TRIM45: variants seen among roughly 807,000 people sequenced by gnomAD.
The protein encoded by TRIM45 is E3 ubiquitin-protein ligase TRIM45.
Under a neutral mutation model 46.7 loss-of-function variants are expected in TRIM45, and 45 were observed. The observed-to-expected ratio is 0.96, with a 90% CI of 0.76 to 1.24. The LOEUF (loss-of-function observed/expected upper bound fraction) is 1.24, where lower values mean the gene tolerates loss of function less well. TRIM45 is among the 50% of genes most tolerant of loss of function. The pLI is 0.00. For missense variants in TRIM45, 680 were observed against 728.4 expected (o/e 0.93, Z 0.77); for synonymous variants, 259 against 285.8 (o/e 0.91, Z 0.94).
upstream of TRIM45, chr1:117,121,854 C>T (rs1364844005): frequency 9.8e-6 from 7 of 714,716 alleles, no homozygotes; most frequent in Admixed American, 4.0e-5. The surrounding 1 kb of genome is among the most constrained non-coding windows in gnomAD (Gnocchi z 4.2). Context: ...CAGAGTGACG[C>T]CACTAAGCAT....
At position 117,115,805 on chromosome 1, in the gene TRIM45, A is replaced by G. The variant is rs1194130521; in HGVS notation, c.1353-116T>C. 1.4e-5 allele frequency: 9 copies of G among 653,278 alleles called. No individual in the cohort carries two copies. Among genetic ancestry groups the G allele is most frequent in the Admixed American group, 1.1e-4 (4 of 35,440 alleles). 40.5% of individuals were successfully genotyped at this position (653,278 alleles called of 1,614,324 possible). On this transcript the variant is annotated intron_variant, in intron 3 of 5. Transcript: ENST00000256649. The surrounding 1 kb of genome is among the most constrained non-coding windows in gnomAD (Gnocchi z 4.2). ...TTCAGTATTAATGTTAAATATACCC[A>G]AACAGGATGCTTCTTCCATTTGCTT...
At chr1:117,123,635 T>C (rs1342530070), upstream of TRIM45, among the ~76,000 whole-genome samples, 1 of 151,968 alleles carries the variant, frequency 6.6e-6, no homozygotes, top group East Asian at 1.9e-4. Flanking sequence ...CTTTTTTTTT[T>C]TTTCTTTTTT....
At position 117,121,063 on chromosome 1, in the gene TRIM45, T is replaced by C. The variant is rs1477456715; in HGVS notation, c.139A>G (p.Thr47Ala). The C allele has an allele frequency of 1.9e-6, 3 of 1,614,014 alleles. No individual in the cohort carries two copies. Among genetic ancestry groups the C allele is most frequent in the Admixed American group, 3.3e-5 (2 of 60,008 alleles). Residue 47 changes from threonine to alanine, a missense_variant, in exon 1 of 6, where the codon ACA becomes GCA. Thr to Ala is a moderately conservative substitution (Grantham distance 58, BLOSUM62 0). Coordinates refer to ENST00000256649, the MANE Select transcript of TRIM45 (RefSeq NM_025188.4). This position sits in a 1 kb window ranked among gnomAD's most constrained non-coding sequence, Gnocchi z 4.2. Reference sequence around the variant, plus strand: ...TGCTCCAGACACGTGGTGCAAACTGTATGCAAACAAGGCAAGAGCCTGGGG... The same window carrying C: ...TGCTCCAGACACGTGGTGCAAACTGCATGCAAACAAGGCAAGAGCCTGGGG... ...KAPRLLPCLH[T>A]VCTTCLEQLE... is the part of the protein sequence containing the mutation.
At chr1:117,114,456 T>C (rs1650327575) in intron 4 of TRIM45, among the ~76,000 whole-genome samples, 1 of 152,214 alleles carries the variant, frequency 6.6e-6, no homozygotes, top group Non-Finnish European at 1.5e-5. Context: ...CACACCATCA[T>C]GCCCAATTTA....
intron 4 of TRIM45, among the ~76,000 whole-genome samples, chr1:117,114,169 T>C (rs1335795533): frequency 6.6e-6 from 1 of 152,230 alleles, no homozygotes; most frequent in African/African-American, 2.4e-5. Context: ...CACCCACTTA[T>C]TCTGGGACTG....
chr1:117,120,929 G>C lies in TRIM45; in HGVS notation c.273C>G (p.Gly91=), dbSNP rs1241070371. The change falls in exon 1 of 6, where the codon GGC becomes GGG. Residue 91 remains glycine (G), a synonymous_variant. Coordinates refer to ENST00000256649, the MANE Select transcript of TRIM45 (RefSeq NM_025188.4). ...GAGCATCACATACAGGACAAAGGAT[G>C]CCGATCTGCGACTGCAGACTTCGTG... is the stretch of plus-strand genomic sequence containing the variant. ...LKPRSLQSQI[G]ILCPVCDAQV... is the part of the protein sequence containing the mutation. 3.7e-6 allele frequency: 6 copies of C among 1,614,066 alleles called. No homozygotes were observed. In the Admixed American group the frequency reaches 1.0e-4, roughly 27 times the overall value.
rs143087606 is a variant in TRIM45, at chr1:117,115,059, ATTTG to A, written c.1467+512_1467+515del. On this transcript the variant is annotated intron_variant, in intron 4 of 5. Transcript: ENST00000256649. This position sits in a 1 kb window ranked among gnomAD's most constrained non-coding sequence, Gnocchi z 4.2. ...CATGGTAACGTAACTTGTTTGGTATATTTGTTTGTTTATAGGAACCATAGTAACA... is the reference window on the plus strand; with the variant it reads ...CATGGTAACGTAACTTGTTTGGTATATTTGTTTATAGGAACCATAGTAACA... 5.7e-3 allele frequency among the ~76,000 whole-genome samples: 874 copies of A among 152,298 alleles called. 14 individuals carry two copies. Among genetic ancestry groups the A allele is most frequent in the African/African-American group, 0.02 (831 of 41,554 alleles).
chr1:117,120,619 A>C (rs1240692559), intron 1 of TRIM45, 95 bp downstream of exon 1: 1 of 1,496,140 alleles, frequency 6.7e-7, no homozygotes, highest in African/African-American at 1.4e-5. Flanking sequence ...GTATTTGAGA[A>C]GGCTTTCCTT....
Position 117,121,700 on chromosome 1 carries a change from T to C in TRIM45, c.-499A>G, listed in dbSNP as rs1650642951. ...TGCAAGCCGCCGGCGGGCTTCTCGG[T>C]GTCCACCGCCTCTCCCGCGCCTCGG... On this transcript the variant is annotated 5_prime_UTR_variant, in exon 1 of 6. Transcript: ENST00000256649. The surrounding 1 kb of genome is among the most constrained non-coding windows in gnomAD (Gnocchi z 4.2). 1.8e-6 allele frequency: 1 copy of C among 557,654 alleles called. No homozygotes were observed. The highest frequency in any genetic ancestry group is 3.2e-6 in the Non-Finnish European group (1 of 312,870). The allele number at this position is 557,654 out of a possible 1,614,324, so 34.5% of individuals were successfully genotyped here.
In TRIM45 at chr1:117,116,791, G is replaced by A. The variant is rs554618246; in HGVS notation, c.1223-46C>T. 1 of 1,611,410 alleles carries A rather than the reference G, an allele frequency of 6.2e-7. No individual in the cohort carries two copies. The highest frequency in any genetic ancestry group is 1.1e-5 in the South Asian group (1 of 90,964). ...GTCCTCACCTCGAATGTAAACTGCA[G>A]TGACTACATCTCCATCTTGCTTTTT... is the stretch of plus-strand genomic sequence containing the variant. On this transcript the variant is annotated intron_variant, in intron 2 of 5. Transcript: ENST00000256649. The surrounding 1 kb of genome is among the most constrained non-coding windows in gnomAD (Gnocchi z 4.6).
At position 117,112,418 on chromosome 1, in the gene TRIM45, G is replaced by A. The variant is rs1288083970; in HGVS notation, c.1630C>T (p.His544Tyr). The change falls in exon 6 of 6, where the codon CAC becomes TAC. Residue 544 changes from histidine (H) to tyrosine (Y), a missense_variant. Coordinates refer to ENST00000256649, the MANE Select transcript of TRIM45 (RefSeq NM_025188.4). ...YLGCGHGHKG[H>Y]PGHPHWSCCG... ...CATGACCAGTGGGGATGACCTGGGT[G>A]GCCTTTGTGTCCATGGCCACAGCCT... 6.8e-6 allele frequency: 11 copies of A among 1,613,802 alleles called. No individual in the cohort carries two copies. In the East Asian group the frequency reaches 2.5e-4, roughly 36 times the overall value.
chr1:117,120,850 C>A lies in TRIM45; in HGVS notation c.352G>T (p.Val118Leu), dbSNP rs762261684. The A allele has an allele frequency of 6.2e-7, 1 of 1,614,086 alleles. No individual in the cohort carries two copies. The highest frequency in any genetic ancestry group is 1.3e-5 in the African/African-American group (1 of 74,926). The change falls in exon 1 of 6, where the codon GTG becomes TTG. Residue 118 changes from valine (V) to leucine (L), a missense_variant. By Grantham distance (32) the Val-to-Leu change is conservative (BLOSUM62 1). This residue lies in a region of TRIM45 where 349 missense variants were observed against 343.6 expected (regional missense o/e 1.02). Coordinates refer to ENST00000256649, the MANE Select transcript of TRIM45 (RefSeq NM_025188.4). ...VKALTIDHLAVNDVMLESLRG... is the reference protein window; with the variant it reads ...VKALTIDHLALNDVMLESLRG... ...AGGCTCTCCAGCATCACATCATTCA[C>A]GGCCAGGTGGTCTATGGTTAAAGCC...
At position 117,118,889 on chromosome 1, in the gene TRIM45, C is replaced by A. The variant is rs1302145968; in HGVS notation, c.489-122G>T. Reference sequence around the variant, plus strand: ...ACAAACCTGATTTCAATTCCTTGCTCTAATCTCTAATTGCATGAACCTCTC... The same window carrying A: ...ACAAACCTGATTTCAATTCCTTGCTATAATCTCTAATTGCATGAACCTCTC... On this transcript the variant is annotated intron_variant, in intron 1 of 5. Transcript: ENST00000256649. The surrounding 1 kb of genome is among the most constrained non-coding windows in gnomAD (Gnocchi z 5.7). The A allele has an allele frequency of 6.3e-6, 8 of 1,275,104 alleles. No individual in the cohort carries two copies. The African/African-American group carries it at 1.0e-4, about 17-fold the overall frequency. 79.0% of individuals were successfully genotyped at this position (1,275,104 alleles called of 1,614,324 possible).
intron 5 of TRIM45, among the ~76,000 whole-genome samples, chr1:117,112,778 TAAAA>T (rs1460066765): frequency 6.6e-6 from 1 of 152,014 alleles, no homozygotes; most frequent in Non-Finnish European, 1.5e-5. Flanking sequence ...ATCATTGAAA[TAAAA>T]AAGGATAGGT....
chr1:117,121,828 G>A (rs1650653429), upstream of TRIM45: 1 of 710,756 alleles, frequency 1.4e-6, no homozygotes, highest in Non-Finnish European at 2.6e-6. The surrounding 1 kb of genome is among the most constrained non-coding windows in gnomAD (Gnocchi z 4.2). Context: ...TCGCCGCTCC[G>A]GGCCCCGCCG....
At position 117,118,313 on chromosome 1, in the gene TRIM45, C is replaced by CCTT. The variant is rs746185391; in HGVS notation, c.940_942dup (p.Lys314dup). The CCTT allele has an allele frequency of 5.6e-6, 9 of 1,614,196 alleles. No homozygotes were observed. The highest frequency in any genetic ancestry group is 5.9e-6 in the Non-Finnish European group (7 of 1,180,042). The stretch of plus-strand genomic sequence containing the variant: ...TCTGCCAGTAACTGTTCCAGCTGGG[C>CCTT]CTTCTGCAGCTGCAGGGAATTTTCC... On this transcript the variant is annotated inframe_insertion, in exon 2 of 6. Coordinates refer to ENST00000256649, the MANE Select transcript of TRIM45 (RefSeq NM_025188.4). The surrounding 1 kb of genome is among the most constrained non-coding windows in gnomAD (Gnocchi z 5.7).
chr1:117,112,084 T>A lies in TRIM45; in HGVS notation c.*221A>T. 1 of 437,582 alleles carries A rather than the reference T, an allele frequency of 2.3e-6. No individual in the cohort carries two copies. The highest frequency in any genetic ancestry group is 3.9e-6 in the Non-Finnish European group (1 of 255,404). The allele number at this position is 437,582 out of a possible 1,614,324, so 27.1% of individuals were successfully genotyped here. ...GTATCCTGTGGTAGAAAAAGAACGTTGCCAACCTACCTTTAAGAGAAATGT... is the reference window on the plus strand; with the variant it reads ...GTATCCTGTGGTAGAAAAAGAACGTAGCCAACCTACCTTTAAGAGAAATGT... On this transcript the variant is annotated 3_prime_UTR_variant, in exon 6 of 6. Transcript: ENST00000256649.
rs149536108 is a variant in TRIM45, at chr1:117,120,642, C to A, written c.488+72G>T. On this transcript the variant is annotated intron_variant, in intron 1 of 5. Transcript: ENST00000256649. ...GAAGGCTTTCCTTTTCATCTGCTCA[C>A]CGAGGGATTTGTCTTGACACCTCTT... 1.6e-4 allele frequency: 249 copies of A among 1,519,314 alleles called. No homozygotes were observed. The African/African-American group carries it at 2.9e-3, about 18-fold the overall frequency. 94.1% of individuals were successfully genotyped at this position (1,519,314 alleles called of 1,614,324 possible).
intron 1 of TRIM45, among the ~76,000 whole-genome samples, chr1:117,119,232 G>T (rs1395214545): frequency 6.6e-6 from 1 of 152,236 alleles, no homozygotes; most frequent in Non-Finnish European, 1.5e-5. Context: ...TAAGATTTTG[G>T]TGAAGCATTT....
Sources: gnomAD v4.1 joint callset for allele counts (sites outside exome capture counted in the v4.1 genomes callset) on GRCh38, gnomAD v4.1.1 for gene constraint, gnomAD v4.1.1 regional missense constraint, Gnocchi (gnomAD v3.1) non-coding constraint, MANE v1.5 for transcripts, NCBI Gene and HGNC (gene_info 2026-07-23, HGNC 2026-07-21) for gene names.